Variants in HK2 observed in about 807,000 individuals in gnomAD.
HK2 encodes hexokinase 2.
Under a neutral mutation model 92.9 loss-of-function variants are expected in HK2, and 42 were observed. That is an observed-to-expected ratio of 0.45 (90% CI 0.35 to 0.58). The LOEUF (loss-of-function observed/expected upper bound fraction) is 0.58, where lower values mean the gene tolerates loss of function less well. Ranked by LOEUF, HK2 falls within the 20% of genes least tolerant of loss-of-function variation. The pLI, the probability that HK2 is intolerant of heterozygous loss-of-function variation, is 0.00. For missense variants in HK2, 978 were observed against 1,245.1 expected, an observed-to-expected ratio of 0.79 and a Z score of 3.23; for synonymous variants, 422 against 468.0, an observed-to-expected ratio of 0.90 and a Z score of 1.27.
intron 13 of HK2, 109 bp downstream of exon 13, chr2:74,885,698 G>A: frequency 1.0e-5 from 8 of 798,766 alleles, no homozygotes; most frequent in Middle Eastern, 4.4e-4. Flanking sequence ...TGGGTTGGGA[G>A]GAAGATTAAC....
chr2:74,885,706 A>G (rs1689509044), intron 13 of HK2, 117 bp downstream of exon 13: 2 of 766,016 alleles, frequency 2.6e-6, no homozygotes, highest in Non-Finnish European at 4.7e-6. Flanking sequence ...GAGGAAGATT[A>G]ACTCAAGCGT....
intron 15 of HK2, among the ~76,000 whole-genome samples, chr2:74,887,701 A>C (rs1372919118): frequency 6.6e-6 from 1 of 151,982 alleles, no homozygotes; most frequent in African/African-American, 2.4e-5. Context: ...CACTGTGGTC[A>C]GTGTTGCTGA....
At chr2:74,847,370 C>T (rs1313169005) in intron 1 of HK2, among the ~76,000 whole-genome samples, 2 of 152,038 alleles carry the variant, frequency 1.3e-5, no homozygotes, top group Non-Finnish European at 2.9e-5. Context: ...ATCAAACTGG[C>T]GAGATGATTA....
chr2:74,834,438 A>C lies in HK2; in HGVS notation c.-143A>C. ...GCCAGCCGGGCGCACCCTCGCCGGT[A>C]GCCTTCTTTGTGCGCCGTCCGGACT... On this transcript the variant is annotated 5_prime_UTR_variant, in exon 1 of 18. Transcript: ENST00000290573. The surrounding 1 kb of genome is among the most constrained non-coding windows in gnomAD (Gnocchi z 4.2). The C allele has an allele frequency of 2.5e-6, 2 of 806,096 alleles. No individual in the cohort carries two copies. The highest frequency in any genetic ancestry group is 4.2e-6 in the Non-Finnish European group (2 of 474,058). The allele number at this position is 806,096 out of a possible 1,614,324, so 49.9% of individuals were successfully genotyped here. A position where few individuals can be genotyped will look rare whatever the true frequency, so the allele number is the denominator to read the frequency against.
At chr2:74,857,090 G>C (rs930142266) in intron 2 of HK2, among the ~76,000 whole-genome samples, 4 of 152,190 alleles carry the variant, frequency 2.6e-5, no homozygotes, top group African/African-American at 7.2e-5. Context: ...CTTACTCACT[G>C]AAACAAAGGA....
Position 74,877,239 on chromosome 2 carries a change from G to A in HK2, c.949G>A (p.Glu317Lys), listed in dbSNP as rs749763551. ...TATCCTGGTGAAGATGGCCAAGGAGGAGCTGCTCTTTGGGGGGAAGCTCAG... is the reference window on the plus strand; with the variant it reads ...TATCCTGGTGAAGATGGCCAAGGAGAAGCTGCTCTTTGGGGGGAAGCTCAG... ...RLILVKMAKEELLFGGKLSPE... is the reference protein window; with the variant it reads ...RLILVKMAKEKLLFGGKLSPE... Residue 317 changes from glutamate (E) to lysine (K), a missense_variant, in exon 8 of 18, where the codon GAG becomes AAG. Physicochemically the swap from Glu to Lys is moderately conservative, Grantham distance 56 (BLOSUM62 1). Around this residue, in one of 3 missense-constraint regions of HK2, gnomAD observed 742 missense variants for 922.5 expected, o/e 0.80. Transcript: ENST00000290573. 1 of 1,614,024 alleles carries A rather than the reference G, an allele frequency of 6.2e-7. No individual in the cohort carries two copies. The highest frequency in any genetic ancestry group is 8.5e-7 in the Non-Finnish European group (1 of 1,180,016).
intron 1 of HK2, among the ~76,000 whole-genome samples, chr2:74,852,602 C>A (rs1229588117): frequency 6.6e-6 from 1 of 151,994 alleles, no homozygotes; most frequent in Non-Finnish European, 1.5e-5. Flanking sequence ...TGCCCCACAG[C>A]CCTGGAGGTT....
intron 7 of HK2, among the ~76,000 whole-genome samples, chr2:74,875,304 A>G (rs977623969): frequency 6.6e-6 from 1 of 150,672 alleles, no homozygotes; most frequent in African/African-American, 2.4e-5. Flanking sequence ...AGTGGTGGGT[A>G]ACCCAGGAGA....
chr2:74,873,453 ATT>A (rs757457628), intron 5 of HK2, 82 bp downstream of exon 5: 319 of 914,686 alleles, frequency 3.5e-4, no homozygotes, highest in Admixed American at 5.4e-4. Context: ...TTGACTCATC[ATT>A]GTTTGCTTAC....
intron 1 of HK2, among the ~76,000 whole-genome samples, chr2:74,852,501 C>G (rs1369826085): frequency 5.3e-5 from 8 of 152,278 alleles, no homozygotes. Context: ...GTTGGGGAGG[C>G]CCAGGCCTCC....
In HK2 at chr2:74,889,330, G is replaced by A; in HGVS notation, c.2461G>A (p.Glu821Lys). The part of the protein sequence containing the change: ...STCDDSIIVK[E>K]VCTVVARRAA... Reference sequence around the variant, plus strand: ...CTGTGACGACAGCATCATTGTTAAGGAGGTGTGCACTGTGGTGGCCCGGCG... The same window carrying A: ...CTGTGACGACAGCATCATTGTTAAGAAGGTGTGCACTGTGGTGGCCCGGCG... The change falls in exon 17 of 18, where the codon GAG (glutamate) becomes AAG (lysine). Residue 821 changes from glutamate to lysine, a missense_variant. Coordinates refer to ENST00000290573, the MANE Select transcript of HK2 (RefSeq NM_000189.5). 1 of 1,614,216 alleles carries A rather than the reference G, an allele frequency of 6.2e-7. No homozygotes were observed. The highest frequency in any genetic ancestry group is 8.5e-7 in the Non-Finnish European group (1 of 1,180,042).
At position 74,882,653 on chromosome 2, in the gene HK2, C is replaced by T. The variant is rs898544480; in HGVS notation, c.1839+414C>T. The stretch of plus-strand genomic sequence containing the variant: ...TTAAGCACTTACTGTGTGCCAGGTA[C>T]TATGTTAGGTTTCTTACCTGCATTA... On this transcript the variant is annotated intron_variant, in intron 12 of 17. Transcript: ENST00000290573. Among the ~76,000 whole-genome samples the T allele has an allele frequency of 1.2e-4, 13 of 111,428 alleles. 1 individual carries two copies. Among genetic ancestry groups the T allele is most frequent in the Admixed American group, 2.7e-4 (3 of 11,106 alleles). 73.1% of individuals were successfully genotyped at this position (111,428 alleles called of 152,430 possible). A position where few individuals can be genotyped will look rare whatever the true frequency, so the allele number is the denominator to read the frequency against.
intron 3 of HK2, among the ~76,000 whole-genome samples, chr2:74,870,771 G>A (rs1172230589): frequency 6.6e-6 from 1 of 152,146 alleles, no homozygotes; most frequent in African/African-American, 2.4e-5. Flanking sequence ...ACCTGCACTG[G>A]TGATCCCCAT....
chr2:74,863,001 G>A (rs1688866089), intron 2 of HK2, among the ~76,000 whole-genome samples: 1 of 152,312 alleles, frequency 6.6e-6, no homozygotes, highest in Non-Finnish European at 1.5e-5. Flanking sequence ...ACCCAGGTCT[G>A]CCTGCCTAAA....
chr2:74,859,196 A>G (rs1440056168), intron 2 of HK2, among the ~76,000 whole-genome samples: 2 of 152,238 alleles, frequency 1.3e-5, no homozygotes, highest in Admixed American at 6.5e-5. Flanking sequence ...GCTTGTTATA[A>G]TTGATGCATT....
At chr2:74,837,223 C>G (rs1310055757) in intron 1 of HK2, among the ~76,000 whole-genome samples, 3 of 143,778 alleles carry the variant, frequency 2.1e-5, no homozygotes, top group Non-Finnish European at 3.1e-5. Context: ...CTTTTCTGTA[C>G]GAGCTGGGAA....
chr2:74,836,391 T>C (rs545377598), intron 1 of HK2, among the ~76,000 whole-genome samples: 14 of 152,362 alleles, frequency 9.2e-5, no homozygotes, highest in Middle Eastern at 3.4e-3. Flanking sequence ...CCAGGGTATC[T>C]GGAAATGAGT....
At chr2:74,835,170 AC>A (rs1688128053) in intron 1 of HK2, 2 of 179,408 alleles carry the variant, frequency 1.1e-5, no homozygotes, top group Admixed American at 1.1e-4. Flanking sequence ...GGAGAAGCTG[AC>A]CCGGGAAGGA....
chr2:74,858,651 A>C (rs922251093), intron 2 of HK2, among the ~76,000 whole-genome samples: 3 of 152,254 alleles, frequency 2.0e-5, no homozygotes, highest in Admixed American at 6.5e-5. Flanking sequence ...GAAGATTGGC[A>C]TCAAGGGAGC....
Sources: gnomAD v4.1 joint callset for allele counts (sites outside exome capture counted in the v4.1 genomes callset) on GRCh38, gnomAD v4.1.1 for gene constraint, gnomAD v4.1.1 regional missense constraint, Gnocchi (gnomAD v3.1) non-coding constraint, MANE v1.5 for transcripts, NCBI Gene and HGNC (gene_info 2026-07-23, HGNC 2026-07-21) for gene names.